Variants in CDH18 observed in about 807,000 individuals in gnomAD.
The protein encoded by CDH18 is cadherin 18.
A neutral mutation model predicts 67.9 loss-of-function variants in CDH18; 31 were observed. The ratio of observed to expected loss-of-function variants is 0.46; its 90% CI spans 0.34 to 0.62. CDH18 has a LOEUF of 0.62. Among genes scored for constraint, CDH18 ranks in the 20% least tolerant of loss-of-function variants. CDH18 has a pLI of 0.01. For missense variants in CDH18, 890 were observed against 975.5 expected (o/e 0.91, Z 1.17); for synonymous variants, 362 against 347.2 (o/e 1.04, Z -0.48).
Position 20,422,631 on chromosome 5 carries a change from C to T in CDH18, c.-580+152831G>A, listed in dbSNP as rs1215138056. 4.0e-5 allele frequency among the ~76,000 whole-genome samples: 6 copies of T among 151,086 alleles called. 2 individuals carry two copies. The highest frequency in any genetic ancestry group is 1.5e-4 in the African/African-American group (6 of 40,478). On this transcript the variant is annotated intron_variant, in intron 1 of 14. Coordinates refer to the CDH18 transcript ENST00000507958. ...TAAAAATATTGTTTCTTATTCTTTG[C>T]ACTCTCCCCAACACAAATTCAAAAA...
chr5:19,545,188 G>A (rs1051798062), intron 8 of CDH18, among the ~76,000 whole-genome samples: 1 of 151,946 alleles, frequency 6.6e-6, no homozygotes, highest in Non-Finnish European at 1.5e-5. Flanking sequence ...ATTTTATCTA[G>A]ACCTGAAAGA....
At chr5:19,971,065 C>T (rs1579879729) in intron 2 of CDH18, among the ~76,000 whole-genome samples, 2 of 151,798 alleles carry the variant, frequency 1.3e-5, no homozygotes, top group East Asian at 3.9e-4. Context: ...ATATTTTTAA[C>T]ATGATGTCTT....
intron 2 of CDH18, among the ~76,000 whole-genome samples, chr5:20,113,634 C>T (rs2126360789): frequency 6.6e-6 from 1 of 152,170 alleles, no homozygotes; most frequent in East Asian, 1.9e-4. Flanking sequence ...ACAATGACAG[C>T]CTCATAGGTT....
chr5:20,142,850 G>C (rs1750354181), intron 2 of CDH18, among the ~76,000 whole-genome samples: 1 of 152,142 alleles, frequency 6.6e-6, no homozygotes, highest in Non-Finnish European at 1.5e-5. Flanking sequence ...CTAGCCTCCA[G>C]AACTGTGAAG....
chr5:19,541,730 C>T (rs1032163192), intron 9 of CDH18, among the ~76,000 whole-genome samples: 71 of 152,202 alleles, frequency 4.7e-4, no homozygotes, highest in Non-Finnish European at 3.4e-4. Context: ...GGGAAAGACC[C>T]GGCCTCATGA....
At chr5:19,597,692 T>C (rs943717255) in intron 6 of CDH18, among the ~76,000 whole-genome samples, 3 of 152,170 alleles carry the variant, frequency 2.0e-5, no homozygotes, top group African/African-American at 7.2e-5. Flanking sequence ...CAGTTCTCAT[T>C]TGATAAAGTA....
chr5:20,064,562 A>T (rs1299774928), intron 2 of CDH18, among the ~76,000 whole-genome samples: 2 of 152,106 alleles, frequency 1.3e-5, no homozygotes, highest in African/African-American at 4.8e-5. Flanking sequence ...TTTACAGATA[A>T]TGTATTTGAC....
chr5:20,033,668 T>G (rs1561733215), intron 2 of CDH18, among the ~76,000 whole-genome samples: 1 of 152,020 alleles, frequency 6.6e-6, no homozygotes, highest in Admixed American at 6.6e-5. Flanking sequence ...TATATCTGTT[T>G]CCATTTACAA....
At chr5:19,718,216 A>G (rs1420831354) in intron 5 of CDH18, among the ~76,000 whole-genome samples, 1 of 151,996 alleles carries the variant, frequency 6.6e-6, no homozygotes, top group Admixed American at 6.6e-5. Context: ...CGAAACACTG[A>G]TTTTAGTCAT....
chr5:20,301,501 C>T (rs1735901409), intron 1 of CDH18, among the ~76,000 whole-genome samples: 1 of 152,064 alleles, frequency 6.6e-6, no homozygotes, highest in Non-Finnish European at 1.5e-5. Flanking sequence ...AAAAGACCTC[C>T]CCATCATCTA....
chr5:19,577,333 C>A (rs1742483234), intron 7 of CDH18, among the ~76,000 whole-genome samples: 1 of 152,100 alleles, frequency 6.6e-6, no homozygotes, highest in Non-Finnish European at 1.5e-5. Flanking sequence ...TAATTATTTT[C>A]TGTCAATTAA....
At position 20,242,596 on chromosome 5, in the gene CDH18, GAAAAAAAAAAA is replaced by G. The variant is rs376279568; in HGVS notation, c.-518+12837_-518+12847del. 8.0e-3 allele frequency among the ~76,000 whole-genome samples: 618 copies of G among 77,496 alleles called. 34 individuals carry two copies. The highest frequency in any genetic ancestry group is 0.023 in the African/African-American group (255 of 11,140). The allele number at this position is 77,496 out of a possible 152,430, so 50.8% of individuals were successfully genotyped here. ...TTCTAGGTTTTGGGTTTCATTGAGG[GAAAAAAAAAAA>G]AAAAATATATATATATATATATATA... On this transcript the variant is annotated intron_variant, in intron 2 of 14. Transcript: ENST00000507958.
intron 2 of CDH18, among the ~76,000 whole-genome samples, chr5:19,865,765 T>C (rs1308081518): frequency 6.6e-6 from 1 of 152,188 alleles, no homozygotes; most frequent in Non-Finnish European, 1.5e-5. Context: ...CAATCCTCTT[T>C]GTTGTTTATG....
At chr5:20,076,496 A>G (rs1231097796) in intron 2 of CDH18, among the ~76,000 whole-genome samples, 1 of 152,168 alleles carries the variant, frequency 6.6e-6, no homozygotes, top group Non-Finnish European at 1.5e-5. Flanking sequence ...TTTAAAATAA[A>G]AGACATCAGT....
At chr5:20,271,848 A>G (rs1488962489) in intron 1 of CDH18, among the ~76,000 whole-genome samples, 1 of 151,090 alleles carries the variant, frequency 6.6e-6, no homozygotes, top group Non-Finnish European at 1.5e-5. Context: ...GTATGGGAGA[A>G]TGTTTCTTAT....
At chr5:19,885,295 G>C (rs557228688) in intron 2 of CDH18, among the ~76,000 whole-genome samples, 1 of 152,112 alleles carries the variant, frequency 6.6e-6, no homozygotes, top group African/African-American at 2.4e-5. Context: ...TGGTGTGACC[G>C]TTAAGTTATA....
intron 2 of CDH18, among the ~76,000 whole-genome samples, chr5:19,885,661 A>C (rs1003292826): frequency 3.3e-5 from 5 of 152,180 alleles, no homozygotes; most frequent in Non-Finnish European, 7.4e-5. Flanking sequence ...TCCGGGCTCA[A>C]GTAATCCTCC....
intron 3 of CDH18, among the ~76,000 whole-genome samples, chr5:19,797,480 T>C (rs946063147): frequency 2.0e-5 from 3 of 151,964 alleles, no homozygotes; most frequent in Non-Finnish European, 2.9e-5. Context: ...CTAAAACTCA[T>C]ACAACTAAGT....
intron 5 of CDH18, among the ~76,000 whole-genome samples, chr5:19,683,077 T>C (rs1760561103): frequency 6.7e-6 from 1 of 148,974 alleles, no homozygotes; most frequent in African/African-American, 2.5e-5. Context: ...ATTCAATATA[T>C]AAAATGTTCA....
Sources: gnomAD v4.1 joint callset for allele counts (sites outside exome capture counted in the v4.1 genomes callset) on GRCh38, gnomAD v4.1.1 for gene constraint, MANE v1.5 for transcripts, NCBI Gene and HGNC (gene_info 2026-07-23, HGNC 2026-07-21) for gene names.